MS4A15: variants seen among roughly 807,000 people sequenced by gnomAD.
The protein encoded by MS4A15 is membrane-spanning 4-domains subfamily A member 15.
MS4A15 carries 22 observed loss-of-function variants against 20.6 expected under a neutral mutation model. The ratio of observed to expected loss-of-function variants is 1.07; its 90% CI spans 0.76 to 1.52. The LOEUF is 1.52. MS4A15 is among the 40% of genes most tolerant of loss of function. MS4A15 has a pLI of 0.00. For synonymous variants in MS4A15, 129 were observed against 129.3 expected, an observed-to-expected ratio of 1.00 and a Z score of 0.02; for missense variants, 312 against 323.0, an observed-to-expected ratio of 0.97 and a Z score of 0.26.
At chr11:60,757,430 C>T (rs1028965836) in intron 1 of MS4A15, among the ~76,000 whole-genome samples, 1 of 152,144 alleles carries the variant, frequency 6.6e-6, no homozygotes, top group Admixed American at 6.5e-5. Flanking sequence ...TGGGTCAGAC[C>T]GCCCGTCTTT....
chr11:60,771,237 T>C (rs1854028887), intron 3 of MS4A15, 54 bp from the exon 4 acceptor site: 4 of 1,598,818 alleles, frequency 2.5e-6, no homozygotes, highest in African/African-American at 1.3e-5. Context: ...AAGCAGGGTC[T>C]GCCCTGCCCA....
chr11:60,772,230 G>A (rs1022394874), intron 4 of MS4A15, among the ~76,000 whole-genome samples: 4 of 152,188 alleles, frequency 2.6e-5, no homozygotes, highest in African/African-American at 9.7e-5. Context: ...GCAAGGGGTG[G>A]GCCGAGAGGG....
At chr11:60,770,194 A>T (rs1409837452) in intron 3 of MS4A15, among the ~76,000 whole-genome samples, 2 of 152,160 alleles carry the variant, frequency 1.3e-5, no homozygotes, top group African/African-American at 4.8e-5. Context: ...CAACCCTGAC[A>T]CCCACCCAAC....
At chr11:60,766,647 G>A (rs183573820) in intron 2 of MS4A15, among the ~76,000 whole-genome samples, 99 of 152,318 alleles carry the variant, frequency 6.5e-4, no homozygotes, top group African/African-American at 2.4e-3. Flanking sequence ...TGTAGCTGAA[G>A]AGAAAAAGAA....
At chr11:60,771,667 G>C in intron 4 of MS4A15, 1 of 1,398,852 alleles carries the variant, frequency 7.1e-7, no homozygotes, top group Non-Finnish European at 9.4e-7. Flanking sequence ...AGAGGACTTA[G>C]AAATACCACA....
In MS4A15 at chr11:60,767,605, G is replaced by A. The variant is rs760856421; in HGVS notation, c.298G>A (p.Val100Met). Reference sequence around the variant, plus strand: ...GCTGCTCATGGTTCGCCGCGGCCACGTGGGCATCTTCTTCATCGAGGGCGG... The same window carrying A: ...GCTGCTCATGGTTCGCCGCGGCCACATGGGCATCTTCTTCATCGAGGGCGG... Reference protein sequence around the residue: ...SVLLMVRRGHVGIFFIEGGVP... With the variant: ...SVLLMVRRGHMGIFFIEGGVP... Residue 100 changes from valine to methionine, a missense_variant, in exon 3 of 7, where the codon GTG becomes ATG. Val to Met is a conservative substitution (Grantham distance 21). Coordinates refer to ENST00000405633, the MANE Select transcript of MS4A15 (RefSeq NM_001098835.2). 11 of 1,558,152 alleles carry A rather than the reference G, an allele frequency of 7.1e-6. No homozygotes were observed. The highest frequency in any genetic ancestry group is 5.9e-5 in the Admixed American group (3 of 51,216).
intron 6 of MS4A15, among the ~76,000 whole-genome samples, chr11:60,775,253 G>A (rs981592544): frequency 2.0e-5 from 3 of 151,606 alleles, no homozygotes; most frequent in African/African-American, 7.3e-5. Flanking sequence ...AGAGGCGGAG[G>A]TTGCAGTGAG....
rs1854093234 is a variant in MS4A15 at position 60,773,402 on chromosome 11, GC to G, written c.418del (p.Leu140TrpfsTer67). On this transcript the variant is annotated frameshift_variant, in exon 5 of 7. Transcript: ENST00000405633. LOFTEE classifies it high-confidence loss of function. ...CTCTGCTCTCTGCAGGTGAGGAGCA[GC>G]CTGGGCACCAACATCCTCAGCGTCA... ...KNHTSCLVRS[S>X]LGTNILSVMA... The G allele has an allele frequency of 6.2e-7, 1 of 1,612,856 alleles. No individual in the cohort carries two copies. Among genetic ancestry groups the G allele is most frequent in the African/African-American group, 1.3e-5 (1 of 74,912 alleles).
chr11:60,775,512 G>C, intron 6 of MS4A15, 93 bp from the exon 7 acceptor site: 1 of 943,106 alleles, frequency 1.1e-6, no homozygotes. Context: ...GTACCAGGGC[G>C]CTGTTCTCAG....
intron 6 of MS4A15, 47 bp from the exon 7 acceptor site, chr11:60,775,558 T>C (rs371005725): frequency 1.1e-5 from 17 of 1,524,264 alleles, no homozygotes; most frequent in Non-Finnish European, 1.5e-5. Context: ...ACCACTACCC[T>C]GAAGCTCCAG....
intron 6 of MS4A15, among the ~76,000 whole-genome samples, chr11:60,774,224 C>A (rs1854126426): frequency 6.6e-6 from 1 of 151,808 alleles, no homozygotes; most frequent in Non-Finnish European, 1.5e-5. Context: ...CAAGCCTGGG[C>A]AACATAAAAA....
chr11:60,764,095 G>A (rs1590977305), intron 2 of MS4A15, 137 bp downstream of exon 2: 2 of 775,306 alleles, frequency 2.6e-6, no homozygotes, highest in Admixed American at 2.7e-5. Flanking sequence ...CATGCACCAG[G>A]TAGACAAGCA....
intron 2 of MS4A15, among the ~76,000 whole-genome samples, chr11:60,765,093 A>T (rs1272970650): frequency 6.6e-6 from 1 of 152,202 alleles, no homozygotes; most frequent in Non-Finnish European, 1.5e-5. Flanking sequence ...TCTCCCGATC[A>T]GCTGCAGCTA....
At position 60,763,888 on chromosome 11, in the gene MS4A15, C is replaced by T; in HGVS notation, c.155C>T (p.Pro52Leu). The T allele has an allele frequency of 6.2e-7, 1 of 1,613,054 alleles. No individual in the cohort carries two copies. Among genetic ancestry groups the T allele is most frequent in the Admixed American group, 1.7e-5 (1 of 60,018 alleles). The change falls in exon 2 of 7, where the codon CCA becomes CTA. Residue 52 changes from proline (P) to leucine (L), a missense_variant. Physicochemically the swap from Pro to Leu is moderately conservative, Grantham distance 98 (BLOSUM62 -3). Coordinates refer to ENST00000405633, the MANE Select transcript of MS4A15 (RefSeq NM_001098835.2). ...GAGCCACCGCTGGGGGCACAGACAC[C>T]AAGGGCCACACAGCCACCTGACTTG... ...FEEPPLGAQTPRATQPPDLRP... is the reference protein window; with the variant it reads ...FEEPPLGAQTLRATQPPDLRP...
intron 2 of MS4A15, among the ~76,000 whole-genome samples, chr11:60,766,346 A>G (rs1033561643): frequency 1.3e-5 from 2 of 152,192 alleles, no homozygotes; most frequent in Admixed American, 1.3e-4. Flanking sequence ...GTGCCATTGC[A>G]CTCCAGCCTG....
chr11:60,762,496 T>C (rs1251874196), intron 1 of MS4A15, among the ~76,000 whole-genome samples: 1 of 152,214 alleles, frequency 6.6e-6, no homozygotes, highest in Non-Finnish European at 1.5e-5. Flanking sequence ...TCACAGCAAT[T>C]ATAAACAAAT....
intron 3 of MS4A15, among the ~76,000 whole-genome samples, chr11:60,768,619 C>T (rs1206712120): frequency 1.3e-5 from 2 of 152,212 alleles, no homozygotes; most frequent in Admixed American, 1.3e-4. Context: ...GTCCCTTGGG[C>T]ACGTCACTGA....
chr11:60,770,680 T>TA (rs906340495), intron 3 of MS4A15, among the ~76,000 whole-genome samples: 14 of 151,924 alleles, frequency 9.2e-5, no homozygotes, highest in Non-Finnish European at 2.1e-4. Context: ...TCCTGGCACA[T>TA]AACTGCCACT....
chr11:60,764,803 G>C (rs1412157701), intron 2 of MS4A15, among the ~76,000 whole-genome samples: 1 of 152,140 alleles, frequency 6.6e-6, no homozygotes, highest in Admixed American at 6.5e-5. Context: ...CAGCTACTCG[G>C]GAGGCTGAGG....
Sources: gnomAD v4.1 joint callset for allele counts (sites outside exome capture counted in the v4.1 genomes callset) on GRCh38, gnomAD v4.1.1 for gene constraint, MANE v1.5 for transcripts, NCBI Gene and HGNC (gene_info 2026-07-23, HGNC 2026-07-21) for gene names.